PABPC4L: variants seen among roughly 807,000 people sequenced by gnomAD.
The protein encoded by PABPC4L is polyadenylate-binding protein 4-like.
For synonymous variants in PABPC4L, 169 were observed against 164.1 expected (o/e 1.03, Z -0.23); for missense variants, 452 against 451.4 (o/e 1.00, Z -0.01).
chr4:134,116,387 G>A, the PABPC4L span, among the ~76,000 whole-genome samples: 3 of 151,770 alleles, frequency 2.0e-5, no homozygotes, highest in Non-Finnish European at 4.4e-5. Context: ...AATGTTATAA[G>A]ACATAGTAAC....
At chr4:134,115,971 C>T in the PABPC4L span, among the ~76,000 whole-genome samples, 14 of 151,630 alleles carry the variant, frequency 9.2e-5, no homozygotes, top group African/African-American at 3.4e-4. Context: ...AGATAATGTA[C>T]TGACTGAAAA....
chr4:134,170,856 C>T, the PABPC4L span, among the ~76,000 whole-genome samples: 2 of 152,126 alleles, frequency 1.3e-5, no homozygotes, highest in Admixed American at 6.6e-5. Context: ...ACCCAATAAG[C>T]GGATTGCTGG....
chr4:134,043,490 C>T, the PABPC4L span, among the ~76,000 whole-genome samples: 1 of 152,072 alleles, frequency 6.6e-6, no homozygotes, highest in Non-Finnish European at 1.5e-5. Flanking sequence ...AAAGTAATTG[C>T]GGTTTTTGCC....
the PABPC4L span, among the ~76,000 whole-genome samples, chr4:134,183,960 A>T: frequency 0.022 from 3,401 of 151,596 alleles, 125 homozygotes; most frequent in African/African-American, 0.077. Context: ...AAGTTGATTG[A>T]GTGCGATTGT....
At chr4:134,033,691 G>T in the PABPC4L span, among the ~76,000 whole-genome samples, 3 of 151,778 alleles carry the variant, frequency 2.0e-5, no homozygotes, top group Non-Finnish European at 4.4e-5. Context: ...AAGCCAAATC[G>T]CAATCTAGAG....
chr4:134,091,526 G>C, the PABPC4L span, among the ~76,000 whole-genome samples: 2 of 151,792 alleles, frequency 1.3e-5, no homozygotes, highest in Admixed American at 6.6e-5. Flanking sequence ...ATAGTACAAT[G>C]TGAAATAGTA....
chr4:134,089,606 T>C, the PABPC4L span, among the ~76,000 whole-genome samples: 1 of 152,138 alleles, frequency 6.6e-6, no homozygotes, highest in Non-Finnish European at 1.5e-5. Context: ...CAGGTTTGTA[T>C]GTATAGGAAA....
chr4:134,183,656 T>C, the PABPC4L span, among the ~76,000 whole-genome samples: 1 of 151,936 alleles, frequency 6.6e-6, no homozygotes, highest in African/African-American at 2.4e-5. Flanking sequence ...GAAGTAAATG[T>C]GTTTCCATAT....
chr4:134,100,697 T>A, the PABPC4L span, among the ~76,000 whole-genome samples: 1 of 151,644 alleles, frequency 6.6e-6, no homozygotes, highest in African/African-American at 2.4e-5. Context: ...ACATATCATC[T>A]CACTTGGTTG....
At chr4:133,993,886 G>A in the PABPC4L span, among the ~76,000 whole-genome samples, 5 of 151,520 alleles carry the variant, frequency 3.3e-5, no homozygotes, top group South Asian at 8.3e-4. Context: ...AAGAAAAAGT[G>A]CACACAGGGT....
chr4:134,002,421 C>T, the PABPC4L span, among the ~76,000 whole-genome samples: 1 of 151,754 alleles, frequency 6.6e-6, no homozygotes, highest in Non-Finnish European at 1.5e-5. Flanking sequence ...CATATATTTG[C>T]AATTTAAAAT....
chr4:133,963,162 T>C, the PABPC4L span, among the ~76,000 whole-genome samples: 2 of 151,980 alleles, frequency 1.3e-5, no homozygotes, highest in South Asian at 2.1e-4. Flanking sequence ...TTCACGAAAA[T>C]GGACACCAAA....
At chr4:133,982,671 CTT>C in the PABPC4L span, among the ~76,000 whole-genome samples, 1 of 151,972 alleles carries the variant, frequency 6.6e-6, no homozygotes, top group African/African-American at 2.4e-5. Context: ...CCCATCCTCT[CTT>C]CTTTATTTCC....
chr4:134,162,610 A>T, the PABPC4L span, among the ~76,000 whole-genome samples: 1 of 152,152 alleles, frequency 6.6e-6, no homozygotes, highest in African/African-American at 2.4e-5. Context: ...ACAATATGAT[A>T]TGCCACAAAA....
chr4:134,075,594 G>A, the PABPC4L span, among the ~76,000 whole-genome samples: 6 of 151,752 alleles, frequency 4.0e-5, no homozygotes, highest in Admixed American at 1.3e-4. Flanking sequence ...TCCCCCAAGC[G>A]GACACTAGTT....
At chr4:134,074,678 G>A in the PABPC4L span, among the ~76,000 whole-genome samples, 7 of 152,188 alleles carry the variant, frequency 4.6e-5, no homozygotes, top group East Asian at 1.9e-4. Flanking sequence ...GAGATTCACA[G>A]TTCTGCAGGG....
the PABPC4L span, among the ~76,000 whole-genome samples, chr4:134,033,240 A>G: frequency 6.6e-6 from 1 of 151,762 alleles, no homozygotes; most frequent in Non-Finnish European, 1.5e-5. Flanking sequence ...AACCACACCC[A>G]TATAAGACTG....
the PABPC4L span, among the ~76,000 whole-genome samples, chr4:134,170,162 C>T: frequency 6.6e-6 from 1 of 152,074 alleles, no homozygotes; most frequent in African/African-American, 2.4e-5. Flanking sequence ...TCCTGCATTA[C>T]TTGGCTTGGT....
the PABPC4L span, among the ~76,000 whole-genome samples, chr4:134,160,652 G>A: frequency 6.6e-5 from 10 of 152,028 alleles, no homozygotes; most frequent in African/African-American, 2.4e-4. Context: ...TGATGTGAAA[G>A]GATTGTTGAG....
Sources: gnomAD v4.1 joint callset for allele counts (sites outside exome capture counted in the v4.1 genomes callset) on GRCh38, gnomAD v4.1.1 for gene constraint, MANE v1.5 for transcripts, NCBI Gene and HGNC (gene_info 2026-07-23, HGNC 2026-07-21) for gene names.